Variants in STRAP observed in about 807,000 individuals in gnomAD.
STRAP encodes serine/threonine kinase receptor associated protein.
Under a neutral mutation model 47.0 loss-of-function variants are expected in STRAP, and 16 were observed. That is an observed-to-expected ratio of 0.34 (90% CI 0.23 to 0.52). The LOEUF is 0.52. Ranked by LOEUF, STRAP falls within the 20% of genes least tolerant of loss-of-function variation. STRAP has a pLI of 0.96. For synonymous variants in STRAP, 130 were observed against 142.7 expected, an observed-to-expected ratio of 0.91 and a Z score of 0.63; for missense variants, 293 against 420.0, an observed-to-expected ratio of 0.70 and a Z score of 2.64.
At position 15,885,488 on chromosome 12, in the gene STRAP, C is replaced by CTTTTTTTTTTTT. The variant is rs5796649; in HGVS notation, c.248+1819_248+1830dup. 1.6e-3 allele frequency among the ~76,000 whole-genome samples: 211 copies of CTTTTTTTTTTTT among 132,422 alleles called. 5 individuals carry two copies. Among genetic ancestry groups the CTTTTTTTTTTTT allele is most frequent in the African/African-American group, 6.0e-3 (205 of 33,898 alleles). 86.9% of individuals were successfully genotyped at this position (132,422 alleles called of 152,430 possible). A position where few individuals can be genotyped will look rare whatever the true frequency, so the allele number is the denominator to read the frequency against. On this transcript the variant is annotated intron_variant, in intron 2 of 9. Coordinates refer to ENST00000419869, the MANE Select transcript of STRAP (RefSeq NM_007178.4). Reference sequence around the variant, plus strand: ...ACAGGTGTGAGCCACCGTGCCTGGCCTTTTTTTTTTTTTTTTTTAACAACC... The same window carrying CTTTTTTTTTTTT: ...ACAGGTGTGAGCCACCGTGCCTGGCCTTTTTTTTTTTTTTTTTTTTTTTTTTTTTTAACAACC...
intron 7 of STRAP, among the ~76,000 whole-genome samples, chr12:15,899,144 G>C (rs886128761): frequency 6.6e-6 from 1 of 152,170 alleles, no homozygotes; most frequent in Non-Finnish European, 1.5e-5. Context: ...GTGAATACCA[G>C]ATCTGCCTAG....
Position 15,882,633 on chromosome 12 carries a change from G to T in STRAP, c.-75G>T. 1 of 1,277,226 alleles carries T rather than the reference G, an allele frequency of 7.8e-7. No homozygotes were observed. Among genetic ancestry groups the T allele is most frequent in the South Asian group, 1.3e-5 (1 of 79,752 alleles). 79.1% of individuals were successfully genotyped at this position (1,277,226 alleles called of 1,614,324 possible). A position where few individuals can be genotyped will look rare whatever the true frequency, so the allele number is the denominator to read the frequency against. ...AGGGCGGGGGCCTGGAGCAGCCCGA[G>T]GCACTGCAGCAGAAGAGAGAAAAGA... On this transcript the variant is annotated 5_prime_UTR_variant, in exon 1 of 10. In the 5' UTR this introduces an upstream ATG that the reference lacks. Coordinates refer to ENST00000419869, the MANE Select transcript of STRAP (RefSeq NM_007178.4).
chr12:15,896,790 G>C lies in STRAP; in HGVS notation c.639-1092G>C, dbSNP rs1948063670. On this transcript the variant is annotated intron_variant, in intron 6 of 9. Coordinates refer to ENST00000419869, the MANE Select transcript of STRAP (RefSeq NM_007178.4). The surrounding 1 kb of genome is among the most constrained non-coding windows in gnomAD (Gnocchi z 4.1). The stretch of plus-strand genomic sequence containing the variant: ...AATTATCAGTTCAAAGGCTAGAAAT[G>C]AGTTTAAAGTTCTTAGTTATACATG... Among the ~76,000 whole-genome samples the C allele has an allele frequency of 6.6e-6, 1 of 152,180 alleles. No individual in the cohort carries two copies. Among genetic ancestry groups the C allele is most frequent in the African/African-American group, 2.4e-5 (1 of 41,448 alleles).
intron 2 of STRAP, among the ~76,000 whole-genome samples, chr12:15,885,005 C>T (rs1056412716): frequency 2.6e-5 from 4 of 152,004 alleles, no homozygotes; most frequent in East Asian, 1.9e-4. Flanking sequence ...CAGTGGCCCT[C>T]GTTGCCTTTT....
At chr12:15,898,612 A>G (rs1948079556) in intron 7 of STRAP, among the ~76,000 whole-genome samples, 1 of 152,210 alleles carries the variant, frequency 6.6e-6, no homozygotes, top group South Asian at 2.1e-4. Flanking sequence ...AGTAAGGGAA[A>G]GGGAAAGGCA....
chr12:15,893,875 A>G (rs562160465), intron 4 of STRAP, among the ~76,000 whole-genome samples, 172 bp from the exon 5 acceptor site: 4 of 152,138 alleles, frequency 2.6e-5, no homozygotes, highest in Non-Finnish European at 5.9e-5. Context: ...ATGTTCCAAT[A>G]TAGAAAAACT....
Position 15,903,062 on chromosome 12 carries a change from G to GC in STRAP, c.*85dup. The GC allele has an allele frequency of 7.2e-7, 1 of 1,382,494 alleles. No individual in the cohort carries two copies. The highest frequency in any genetic ancestry group is 9.6e-7 in the Non-Finnish European group (1 of 1,041,934). 85.6% of individuals were successfully genotyped at this position (1,382,494 alleles called of 1,614,324 possible). ...CATCAGCCTTCCAGAGTTACTGTCT[G>GC]CTTAAGGCAGAAACAGCAGTAAATA... On this transcript the variant is annotated 3_prime_UTR_variant, in exon 10 of 10. Transcript: ENST00000419869.
rs1947983347 is a variant in STRAP, at chr12:15,887,731, A to AT, written c.249-2196dup. On this transcript the variant is annotated intron_variant, in intron 2 of 9. Coordinates refer to ENST00000419869, the MANE Select transcript of STRAP (RefSeq NM_007178.4). The surrounding 1 kb of genome is among the most constrained non-coding windows in gnomAD (Gnocchi z 5.5). ...AGAATCTTAAGATTTTAGAGCTGCC[A>AT]TGTTGGCGTTAGCCTGTAGCTACTT... Among the ~76,000 whole-genome samples, 1 of 152,134 alleles carries AT rather than the reference A, an allele frequency of 6.6e-6. No homozygotes were observed. The highest frequency in any genetic ancestry group is 2.4e-5 in the African/African-American group (1 of 41,438).
At position 15,883,649 on chromosome 12, in the gene STRAP, C is replaced by T. The variant is rs529311415; in HGVS notation, c.221C>T (p.Ala74Val). ...GATLNKDATK[A>V]ATAAADFTAK... ...ACACTGAATAAGGATGCCACCAAAGCAGCTACAGCAGCTGCAGATTTCACA... is the reference window on the plus strand; with the variant it reads ...ACACTGAATAAGGATGCCACCAAAGTAGCTACAGCAGCTGCAGATTTCACA... Residue 74 changes from alanine to valine, a missense_variant, in exon 2 of 10, where the codon GCA becomes GTA. By Grantham distance (64) the Ala-to-Val change is moderately conservative. Transcript: ENST00000419869. 6.2e-7 allele frequency: 1 copy of T among 1,614,182 alleles called. No homozygotes were observed. Among genetic ancestry groups the T allele is most frequent in the East Asian group, 2.2e-5 (1 of 44,886 alleles).
chr12:15,894,171 A>G lies in STRAP; in HGVS notation c.500+28A>G. 6.3e-7 allele frequency: 1 copy of G among 1,581,084 alleles called. No individual in the cohort carries two copies. On this transcript the variant is annotated intron_variant, in intron 5 of 9. Coordinates refer to ENST00000419869, the MANE Select transcript of STRAP (RefSeq NM_007178.4). The surrounding 1 kb of genome is among the most constrained non-coding windows in gnomAD (Gnocchi z 4.9). ...AAGTAATTTTTCTTTAATAATTTAC[A>G]ATTTAAGGCCGGGCATGGTGGCTCA...
chr12:15,902,478 T>G (rs1358047037), intron 9 of STRAP, among the ~76,000 whole-genome samples: 3 of 152,170 alleles, frequency 2.0e-5, no homozygotes, highest in African/African-American at 7.2e-5. Context: ...CAATAGAGTT[T>G]TCCTTAAATT....
chr12:15,895,629 T>A (rs1948053343), intron 6 of STRAP, 133 bp downstream of exon 6: 3 of 904,022 alleles, frequency 3.3e-6, no homozygotes, highest in African/African-American at 3.6e-5. Flanking sequence ...ATAATCGCAG[T>A]ACCTTGGGAA....
chr12:15,898,080 C>T (rs1948074682), intron 7 of STRAP, 62 bp downstream of exon 7: 1 of 1,426,834 alleles, frequency 7.0e-7, no homozygotes, highest in South Asian at 1.4e-5. Context: ...CAGTAATTAA[C>T]ACCTCATTTA....
At chr12:15,892,103 A>T (rs1038255585) in intron 4 of STRAP, among the ~76,000 whole-genome samples, 11 of 152,310 alleles carry the variant, frequency 7.2e-5, no homozygotes, top group Non-Finnish European at 1.3e-4. Flanking sequence ...ATTCTGTTGT[A>T]TTAATGTGAA....
Position 15,890,468 on chromosome 12 carries a change from A to G in STRAP, c.331-129A>G, listed in dbSNP as rs1377583223. On this transcript the variant is annotated intron_variant, in intron 3 of 9. Coordinates refer to ENST00000419869, the MANE Select transcript of STRAP (RefSeq NM_007178.4). The surrounding 1 kb of genome is among the most constrained non-coding windows in gnomAD (Gnocchi z 4.5). Reference sequence around the variant, plus strand: ...GTTCCACAGTATCTTCTCAGAAGTAATTGGTTATGTCTTGGCATCTCTTTG... The same window carrying G: ...GTTCCACAGTATCTTCTCAGAAGTAGTTGGTTATGTCTTGGCATCTCTTTG... 1 of 754,968 alleles carries G rather than the reference A, an allele frequency of 1.3e-6. No individual in the cohort carries two copies. The highest frequency in any genetic ancestry group is 1.6e-5 in the South Asian group (1 of 61,938). The allele number at this position is 754,968 out of a possible 1,614,324, so 46.8% of individuals were successfully genotyped here.
chr12:15,902,884 A>AC, intron 9 of STRAP, 33 bp from the exon 10 acceptor site: 1 of 764,366 alleles, frequency 1.3e-6, no homozygotes, highest in Non-Finnish European at 1.9e-6. Context: ...GACTAATGTG[A>AC]CTTTTTTTTT....
At chr12:15,897,735 T>A in intron 6 of STRAP, 147 bp from the exon 7 acceptor site, 3 of 383,192 alleles carry the variant, frequency 7.8e-6, no homozygotes, top group Non-Finnish European at 1.3e-5. Flanking sequence ...TTTTTTTTGC[T>A]AACAGCTTTT....
At position 15,890,485 on chromosome 12, in the gene STRAP, ATC is replaced by A. The variant is rs1410814676; in HGVS notation, c.331-108_331-107del. 9.2e-6 allele frequency: 8 copies of A among 868,368 alleles called. No individual in the cohort carries two copies. The highest frequency in any genetic ancestry group is 1.5e-5 in the Non-Finnish European group (8 of 535,696). 53.8% of individuals were successfully genotyped at this position (868,368 alleles called of 1,614,324 possible). On this transcript the variant is annotated intron_variant, in intron 3 of 9. Transcript: ENST00000419869. This position sits in a 1 kb window ranked among gnomAD's most constrained non-coding sequence, Gnocchi z 4.5. ...CAGAAGTAATTGGTTATGTCTTGGC[ATC>A]TCTTTGTGATGTCTGTGAGCTAGAT... is the stretch of plus-strand genomic sequence containing the variant.
chr12:15,895,535 A>G (rs757653746), intron 6 of STRAP, 39 bp downstream of exon 6: 2 of 1,572,852 alleles, frequency 1.3e-6, no homozygotes, highest in African/African-American at 1.4e-5. Context: ...TTTTTAGGTA[A>G]CAAAAGACAT....
Sources: allele counts gnomAD v4.1 joint callset (sites outside exome capture counted in the v4.1 genomes callset), GRCh38; gene constraint gnomAD v4.1.1; non-coding constraint Gnocchi (gnomAD v3.1); transcripts MANE v1.5; gene names NCBI Gene and HGNC (gene_info 2026-07-23, HGNC 2026-07-21).